The following TJP1 variants were observed in gnomAD, a reference collection of about 807,000 sequenced individuals.
The protein encoded by TJP1 is tight junction protein 1, also known as tight junction protein ZO-1.
A neutral mutation model predicts 194.2 loss-of-function variants in TJP1; 43 were observed. That is an observed-to-expected ratio of 0.22 (90% confidence interval 0.17 to 0.29). The LOEUF is 0.29. Among genes scored for constraint, TJP1 ranks in the 10% least tolerant of loss-of-function variants. The pLI is 1.00. For synonymous variants in TJP1, 801 were observed against 779.0 expected, an observed-to-expected ratio of 1.03 and a Z score of -0.47; for missense variants, 1,971 against 2,185.7, an observed-to-expected ratio of 0.90 and a Z score of 1.96.
chr15:29,873,745 T>C (rs530104876), intron 2 of TJP1, among the ~76,000 whole-genome samples: 11 of 152,298 alleles, frequency 7.2e-5, no homozygotes, highest in Admixed American at 5.2e-4. Context: ...TGGGATTTCT[T>C]AGGGGAGACT....
chr15:29,906,665 C>A (rs1178753729), intron 2 of TJP1, among the ~76,000 whole-genome samples: 2 of 151,814 alleles, frequency 1.3e-5, no homozygotes, highest in South Asian at 2.1e-4. Flanking sequence ...CTCCAACCTC[C>A]GCCTCCTGGG....
intron 1 of TJP1, chr15:29,821,279 T>C (rs953159186): frequency 2.6e-5 from 4 of 152,238 alleles, no homozygotes; most frequent in Admixed American, 6.5e-5. Flanking sequence ...CGTTACTTTT[T>C]TCGGCTGAAC....
intron 2 of TJP1, among the ~76,000 whole-genome samples, chr15:29,949,381 T>C (rs1218658472): frequency 2.9e-4 from 10 of 34,046 alleles, no homozygotes; most frequent in Non-Finnish European, 3.6e-4. Flanking sequence ...TCACCACTGC[T>C]ACCTCCACCA....
At chr15:29,962,180 G>A (rs2056187486) in intron 1 of TJP1, among the ~76,000 whole-genome samples, 1 of 152,116 alleles carries the variant, frequency 6.6e-6, no homozygotes, top group Non-Finnish European at 1.5e-5. Context: ...ACAACTTCTT[G>A]ACATTCTGCA....
At chr15:29,911,680 C>T (rs1431043807) in intron 2 of TJP1, among the ~76,000 whole-genome samples, 1 of 152,192 alleles carries the variant, frequency 6.6e-6, no homozygotes, top group Non-Finnish European at 1.5e-5. Flanking sequence ...ATCCAATTAC[C>T]TCCCACCAGG....
At chr15:29,785,433 T>C (rs1478857643) in intron 2 of TJP1, among the ~76,000 whole-genome samples, 8 of 152,178 alleles carry the variant, frequency 5.3e-5, no homozygotes, top group Non-Finnish European at 1.2e-4. Flanking sequence ...TCAAGCTATT[T>C]ACAATCTGGC....
At chr15:29,803,462 G>C (rs1399525208) in intron 1 of TJP1, among the ~76,000 whole-genome samples, 1 of 152,114 alleles carries the variant, frequency 6.6e-6, no homozygotes, top group Non-Finnish European at 1.5e-5. Flanking sequence ...GGTTAAGGTA[G>C]GCTGGGCTAA....
chr15:29,746,311 G>C (rs1350168512), intron 8 of TJP1, among the ~76,000 whole-genome samples: 1 of 151,950 alleles, frequency 6.6e-6, no homozygotes, highest in African/African-American at 2.4e-5. Context: ...CCGGGAGGCG[G>C]AGCTTGCAGT....
Position 29,701,360 on chromosome 15 carries a change from C to A in TJP1, c.*235G>T, listed in dbSNP as rs2041528609. On this transcript the variant is annotated 3_prime_UTR_variant, in exon 28 of 28. Coordinates refer to ENST00000614355, the MANE Select transcript of TJP1 (RefSeq NM_001330239.4). Reference sequence around the variant, plus strand: ...TTACAAAAATCACAAAGCAAAATATCTTTGAACCTCTAGCCAATACCAACA... The same window carrying A: ...TTACAAAAATCACAAAGCAAAATATATTTGAACCTCTAGCCAATACCAACA... 5 of 394,168 alleles carry A rather than the reference C, an allele frequency of 1.3e-5. No homozygotes were observed. Among genetic ancestry groups the A allele is most frequent in the Non-Finnish European group, 1.8e-5 (4 of 220,378 alleles). The allele number at this position is 394,168 out of a possible 1,614,324, so 24.4% of individuals were successfully genotyped here.
At chr15:29,809,618 G>A (rs11073270) in intron 1 of TJP1, among the ~76,000 whole-genome samples, 15,617 of 152,214 alleles carry the variant, frequency 0.1, 887 homozygotes, top group South Asian at 0.21. Flanking sequence ...GCCAACGGGG[G>A]TGGATCGCCT....
chr15:29,873,123 C>T (rs2052582737), intron 2 of TJP1, among the ~76,000 whole-genome samples: 1 of 152,318 alleles, frequency 6.6e-6, no homozygotes, highest in South Asian at 2.1e-4. Flanking sequence ...TGGATTCATT[C>T]AGCAAGCACA....
chr15:29,745,168 G>T (rs984610936), intron 8 of TJP1, among the ~76,000 whole-genome samples: 1 of 151,910 alleles, frequency 6.6e-6, no homozygotes, highest in Non-Finnish European at 1.5e-5. Flanking sequence ...ATCAAATAGT[G>T]AAATGCTGAA....
At chr15:29,940,069 G>A (rs1406485483) in intron 2 of TJP1, among the ~76,000 whole-genome samples, 1 of 152,162 alleles carries the variant, frequency 6.6e-6, no homozygotes, top group Non-Finnish European at 1.5e-5. Context: ...GAATAAGCAG[G>A]CCGTAAGATA....
chr15:29,811,892 C>T (rs1462371525), intron 1 of TJP1, among the ~76,000 whole-genome samples: 1 of 133,452 alleles, frequency 7.5e-6, no homozygotes. Context: ...GAATGAATGT[C>T]TTAAATAATC....
chr15:29,872,582 A>C (rs1159594689), intron 2 of TJP1, among the ~76,000 whole-genome samples: 3 of 152,206 alleles, frequency 2.0e-5, no homozygotes, highest in African/African-American at 7.2e-5. Context: ...CATTGGGAAG[A>C]AAAAATGGTT....
chr15:29,854,518 G>A (rs1232662553), intron 2 of TJP1, among the ~76,000 whole-genome samples: 3 of 152,110 alleles, frequency 2.0e-5, no homozygotes, highest in East Asian at 1.9e-4. Flanking sequence ...ATGACCACAC[G>A]TCCAGGAATG....
chr15:29,948,607 T>G (rs2055365678), intron 2 of TJP1, among the ~76,000 whole-genome samples: 1 of 152,140 alleles, frequency 6.6e-6, no homozygotes, highest in Non-Finnish European at 1.5e-5. Flanking sequence ...CTTGTGGACG[T>G]GAGGCCTGAA....
At chr15:29,812,504 C>T (rs1181112681) in intron 1 of TJP1, among the ~76,000 whole-genome samples, 3 of 152,210 alleles carry the variant, frequency 2.0e-5, no homozygotes, top group Admixed American at 2.0e-4. Flanking sequence ...TTTAGACAAA[C>T]TGGCTTGTGC....
At chr15:29,699,467 G>A (rs2140883275), downstream of TJP1, 1 of 152,282 alleles carries the variant, frequency 6.6e-6, no homozygotes, top group East Asian at 1.9e-4. Flanking sequence ...GTATAAAGGG[G>A]TACAAATGAT....
Sources: allele counts gnomAD v4.1 joint callset (sites outside exome capture counted in the v4.1 genomes callset), GRCh38; gene constraint gnomAD v4.1.1; transcripts MANE v1.5; gene names NCBI Gene and HGNC (gene_info 2026-07-23, HGNC 2026-07-21).